PDLIM7: variants seen among roughly 807,000 people sequenced by gnomAD.
PDLIM7 encodes PDZ and LIM domain protein 7.
Under a neutral mutation model 53.9 loss-of-function variants are expected in PDLIM7, and 37 were observed. That is an observed-to-expected ratio of 0.69 (90% CI 0.53 to 0.90). The LOEUF (loss-of-function observed/expected upper bound fraction) is 0.90. PDLIM7 is among the 40% of genes least tolerant of loss of function. The pLI is 0.00. For synonymous variants in PDLIM7, 300 were observed against 261.3 expected (o/e 1.15, Z -1.43); for missense variants, 617 against 638.5 (o/e 0.97, Z 0.36).
intron 5 of PDLIM7, 112 bp from the exon 6 acceptor site, chr5:177,491,258 A>G: frequency 7.0e-7 from 1 of 1,436,280 alleles, no homozygotes; most frequent in Non-Finnish European, 9.6e-7. Context: ...GGGAGTGGGT[A>G]AGGGTGAGGC....
Position 177,490,131 on chromosome 5 carries a change from G to A in PDLIM7, c.573-299C>T, listed in dbSNP as rs773649472. ...TGGCAGGGCAGGGCCCCTTTGCCAG[G>A]TACCCCCTCCCACTGAAAACGAGGA... On this transcript the variant is annotated intron_variant, in intron 7 of 12. Transcript: ENST00000355841. 1.5e-5 allele frequency: 23 copies of A among 1,497,190 alleles called. No individual in the cohort carries two copies. In the South Asian group the frequency reaches 2.7e-4, roughly 18 times the overall value. 92.7% of individuals were successfully genotyped at this position (1,497,190 alleles called of 1,614,324 possible).
rs768265888 is a variant in PDLIM7, at chr5:177,488,164, A to T, written c.954T>A (p.Gly318=). 6.2e-7 allele frequency: 1 copy of T among 1,613,404 alleles called. No individual in the cohort carries two copies. Among genetic ancestry groups the T allele is most frequent in the Non-Finnish European group, 8.5e-7 (1 of 1,179,940 alleles). ...TGGCGCCCTTCTCCTCAAAGAAGCC[A>T]CCCTCTTCCAGGACCTTCCCACACT... The part of the protein sequence containing the change: ...CSQCGKVLEE[G]GFFEEKGAIF... The change falls in exon 10 of 13, where the codon GGT becomes GGA. Residue 318 remains glycine (G), a synonymous_variant. Transcript: ENST00000355841.
At position 177,488,130 on chromosome 5, in the gene PDLIM7, G is replaced by A; in HGVS notation, c.988C>T (p.Pro330Ser). 1 of 1,613,222 alleles carries A rather than the reference G, an allele frequency of 6.2e-7. No homozygotes were observed. Among genetic ancestry groups the A allele is most frequent in the Non-Finnish European group, 8.5e-7 (1 of 1,179,920 alleles). ...FFEEKGAIFC[P>S]PCYDVRYAPS... ...GCATAGCGCACGTCATAGCATGGTG[G>A]GCAGAAGATGGCGCCCTTCTCCTCA... The change falls in exon 10 of 13, where the codon CCA (proline) becomes TCA (serine). Residue 330 changes from proline (P) to serine (S), a missense_variant. Physicochemically the swap from Pro to Ser is moderately conservative, Grantham distance 74. Transcript: ENST00000355841.
intron 5 of PDLIM7, chr5:177,491,436 G>A: frequency 1.3e-6 from 2 of 1,541,810 alleles, no homozygotes; most frequent in Non-Finnish European, 1.8e-6. Flanking sequence ...AAGGAAATAA[G>A]ACAGACAGAC....
chr5:177,489,905 T>C (rs911941644), intron 7 of PDLIM7, 73 bp from the exon 8 acceptor site: 82 of 1,542,750 alleles, frequency 5.3e-5, no homozygotes, highest in Non-Finnish European at 6.9e-5. Flanking sequence ...ACCTGGGTCC[T>C]GCTGGCCCCA....
chr5:177,489,715 C>T lies in PDLIM7; in HGVS notation c.634+56G>A, dbSNP rs1758648204. The T allele has an allele frequency of 3.4e-6, 5 of 1,485,744 alleles. 1 individual carries two copies. The South Asian group carries it at 4.0e-5, about 12-fold the overall frequency. The allele number at this position is 1,485,744 out of a possible 1,614,324, so 92.0% of individuals were successfully genotyped here. A position where few individuals can be genotyped will look rare whatever the true frequency, so the allele number is the denominator to read the frequency against. On this transcript the variant is annotated intron_variant, in intron 8 of 12. Coordinates refer to ENST00000355841, the MANE Select transcript of PDLIM7 (RefSeq NM_005451.5). ...AGGCAGCTGAGAGAAGCCCACCACC[C>T]CCATGCCCCTGGAGGCTGCCCACCC...
intron 2 of PDLIM7, among the ~76,000 whole-genome samples, chr5:177,494,460 C>T (rs1350348759): frequency 6.6e-6 from 1 of 152,074 alleles, no homozygotes; most frequent in Admixed American, 6.5e-5. Flanking sequence ...AGAAGGGAAA[C>T]CTGGCCCAGC....
At chr5:177,487,904 C>A (rs1758542874) in intron 10 of PDLIM7, 164 bp downstream of exon 10, 1 of 547,050 alleles carries the variant, frequency 1.8e-6, no homozygotes, top group African/African-American at 1.9e-5. Context: ...TTGTTAAGAG[C>A]ATCCTGACTA....
rs779173491 is a variant in PDLIM7, at chr5:177,491,122, T to G, written c.423A>C (p.Pro141=). 49 of 1,579,094 alleles carry G rather than the reference T, an allele frequency of 3.1e-5. No homozygotes were observed. The highest frequency in any genetic ancestry group is 4.0e-5 in the Non-Finnish European group (47 of 1,162,910). ...QNGQPLRPLV[P]DASKQRLMEN... is the part of the protein sequence containing the mutation. ...CCATCAGCCGCTGCTTGCTGGCATCTGGGACCAGCGGTCGGAGCGGCTGTC... is the reference window on the plus strand; with the variant it reads ...CCATCAGCCGCTGCTTGCTGGCATCGGGGACCAGCGGTCGGAGCGGCTGTC... Residue 141 remains proline, a synonymous_variant, in exon 6 of 13, where the codon CCA becomes CCC. Transcript: ENST00000355841.
intron 8 of PDLIM7, 57 bp from the exon 9 acceptor site, chr5:177,489,684 A>G: frequency 6.7e-7 from 1 of 1,492,876 alleles, no homozygotes; most frequent in Non-Finnish European, 8.9e-7. Context: ...ACGGGGGTGG[A>G]GCCCCAGGCA....
chr5:177,490,819 T>C, intron 7 of PDLIM7, 51 bp downstream of exon 7: 1 of 1,602,668 alleles, frequency 6.2e-7, no homozygotes, highest in African/African-American at 1.3e-5. Context: ...GGGCAGTAGC[T>C]GGAATGGAAG....
At chr5:177,493,257 C>T (rs1581763406) in intron 2 of PDLIM7, among the ~76,000 whole-genome samples, 1 of 152,226 alleles carries the variant, frequency 6.6e-6, no homozygotes, top group Non-Finnish European at 1.5e-5. Flanking sequence ...CTGTTATCTC[C>T]CGGTTCCCTG....
intron 2 of PDLIM7, among the ~76,000 whole-genome samples, chr5:177,494,266 C>T (rs1315294019): frequency 6.6e-6 from 1 of 152,246 alleles, no homozygotes; most frequent in African/African-American, 2.4e-5. Flanking sequence ...GACCCTAAGG[C>T]TCCACCACTG....
intron 10 of PDLIM7, among the ~76,000 whole-genome samples, chr5:177,486,793 G>A (rs768943233): frequency 1.3e-5 from 2 of 150,606 alleles, no homozygotes; most frequent in Non-Finnish European, 3.0e-5. Context: ...ACCATGCCCG[G>A]CCAATTTTTT....
At chr5:177,491,286 G>T in intron 5 of PDLIM7, 140 bp from the exon 6 acceptor site, 1 of 1,433,406 alleles carries the variant, frequency 7.0e-7, no homozygotes, top group Non-Finnish European at 9.6e-7. Context: ...CCTGCTGGGC[G>T]GGTAGGTGAG....
chr5:177,495,328 TCCTCAGG>T (rs1271231917), intron 2 of PDLIM7, among the ~76,000 whole-genome samples: 1 of 151,870 alleles, frequency 6.6e-6, no homozygotes, highest in Non-Finnish European at 1.5e-5. Flanking sequence ...CTTGAGCCCC[TCCTCAGG>T]CCACGACCCT....
Position 177,483,560 on chromosome 5 carries a change from T to C in PDLIM7, c.*84A>G. The C allele has an allele frequency of 9.5e-7, 1 of 1,054,912 alleles. No homozygotes were observed. The highest frequency in any genetic ancestry group is 1.5e-5 in the South Asian group (1 of 68,104). 65.3% of individuals were successfully genotyped at this position (1,054,912 alleles called of 1,614,324 possible). A position where few individuals can be genotyped will look rare whatever the true frequency, so the allele number is the denominator to read the frequency against. On this transcript the variant is annotated 3_prime_UTR_variant, in exon 13 of 13. Coordinates refer to ENST00000355841, the MANE Select transcript of PDLIM7 (RefSeq NM_005451.5). ...CAGGAGCCAGGGTTAAGGCAACCAT[T>C]GCCAGCCCTACCCAGAAATGCAGGG...
chr5:177,490,581 G>A (rs1275238881), intron 7 of PDLIM7: 8 of 1,555,582 alleles, frequency 5.1e-6, no homozygotes, highest in African/African-American at 1.4e-5. Context: ...GCAGCTCCAG[G>A]ACATACTTTT....
At chr5:177,488,309 CT>C in intron 9 of PDLIM7, 61 bp from the exon 10 acceptor site, 1 of 1,453,548 alleles carries the variant, frequency 6.9e-7, no homozygotes. Context: ...TCTTGGCCCC[CT>C]TCAGGTTGAC....
Sources: allele counts gnomAD v4.1 joint callset (sites outside exome capture counted in the v4.1 genomes callset), GRCh38; gene constraint gnomAD v4.1.1; transcripts MANE v1.5; gene names NCBI Gene and HGNC (gene_info 2026-07-23, HGNC 2026-07-21).